IL1RAPL2: variants seen among roughly 807,000 people sequenced by gnomAD.
IL1RAPL2 encodes the protein interleukin 1 receptor accessory protein like 2.
A neutral mutation model predicts 44.1 loss-of-function variants in IL1RAPL2; 3 were observed. The ratio of observed to expected loss-of-function variants is 0.07; its 90% CI spans 0.03 to 0.18. The LOEUF (loss-of-function observed/expected upper bound fraction) is 0.18, where lower values mean the gene tolerates loss of function less well. Ranked by LOEUF, IL1RAPL2 falls within the 10% of genes least tolerant of loss-of-function variation. IL1RAPL2 has a pLI of 1.00. For synonymous variants in IL1RAPL2, 181 were observed against 178.8 expected (o/e 1.01, Z -0.10); for missense variants, 391 against 496.4 (o/e 0.79, Z 2.02).
chrX:104,996,055 T>C (rs956499309), intron 2 of IL1RAPL2, among the ~76,000 whole-genome samples: 1 of 111,427 alleles, frequency 9.0e-6, no homozygotes, highest in Non-Finnish European at 1.9e-5. Context: ...CAATACATAG[T>C]GTTATGCTTT....
At chrX:105,308,558 C>T (rs897813791) in intron 5 of IL1RAPL2, among the ~76,000 whole-genome samples, 2 of 111,826 alleles carry the variant, frequency 1.8e-5, no homozygotes, top group Admixed American at 9.5e-5. Flanking sequence ...TTTTTCCCCA[C>T]GGATTGTTTT....
chrX:105,207,738 C>T (rs1556153787), intron 3 of IL1RAPL2, among the ~76,000 whole-genome samples: 1 of 111,710 alleles, frequency 9.0e-6, no homozygotes. Flanking sequence ...CTATTCTGCA[C>T]AATAAAATCT....
intron 2 of IL1RAPL2, among the ~76,000 whole-genome samples, chrX:104,746,507 A>T (rs921422431): frequency 9.0e-6 from 1 of 111,434 alleles, no homozygotes; most frequent in Non-Finnish European, 1.9e-5. Flanking sequence ...AATAATATTA[A>T]TTTTTTCTCA....
At chrX:105,067,799 G>A (rs184451639) in intron 2 of IL1RAPL2, among the ~76,000 whole-genome samples, 12 of 109,165 alleles carry the variant, frequency 1.1e-4, no homozygotes, top group African/African-American at 1.4e-4. Flanking sequence ...ACACACGCGC[G>A]CATGCATGCA....
At chrX:105,306,653 T>C (rs936123897) in intron 5 of IL1RAPL2, among the ~76,000 whole-genome samples, 6 of 111,592 alleles carry the variant, frequency 5.4e-5, no homozygotes, top group African/African-American at 2.0e-4. Flanking sequence ...CATACATCTT[T>C]GAGAGTAACA....
At chrX:104,982,383 C>T (rs1396318561) in intron 2 of IL1RAPL2, among the ~76,000 whole-genome samples, 1 of 111,172 alleles carries the variant, frequency 9.0e-6, no homozygotes, top group East Asian at 2.8e-4. Flanking sequence ...GGCACCCATA[C>T]CCTGTGCTAC....
intron 3 of IL1RAPL2, among the ~76,000 whole-genome samples, chrX:105,227,216 TATA>T (rs1315329141): frequency 9.0e-6 from 1 of 110,986 alleles, no homozygotes; most frequent in East Asian, 2.8e-4. Flanking sequence ...AAACTTAAAG[TATA>T]ATAATAATAA....
chrX:104,849,276 C>T (rs1216346204), intron 2 of IL1RAPL2, among the ~76,000 whole-genome samples: 2 of 101,445 alleles, frequency 2.0e-5, no homozygotes, highest in East Asian at 6.3e-4. Context: ...TCTCAAACTC[C>T]CAGGCTCAAG....
At chrX:105,144,099 GT>G (rs2033155991) in intron 2 of IL1RAPL2, among the ~76,000 whole-genome samples, 3 of 75,881 alleles carry the variant, frequency 4.0e-5, no homozygotes, top group Non-Finnish European at 2.2e-5. Context: ...AGATGGGTGT[GT>G]GTGTGTGTGT....
chrX:104,711,998 C>T (rs1397959291), intron 2 of IL1RAPL2, among the ~76,000 whole-genome samples: 1 of 110,656 alleles, frequency 9.0e-6, no homozygotes, highest in Non-Finnish European at 1.9e-5. Context: ...TACAGTATAC[C>T]CCTGCTTGGT....
intron 5 of IL1RAPL2, among the ~76,000 whole-genome samples, chrX:105,435,692 C>G: frequency 8.9e-6 from 1 of 111,861 alleles, no homozygotes; most frequent in Non-Finnish European, 1.9e-5. Flanking sequence ...TACATATACA[C>G]CAGGGAATAC....
In IL1RAPL2 at chrX:105,131,771, A is replaced by G. The variant is rs186110782; in HGVS notation, c.83-63704A>G. ...ATTTTGTTTACTGGAAAAATGTAAC[A>G]GTCAGAAAGAGATACACATTAGCTT... On this transcript the variant is annotated intron_variant, in intron 2 of 10. Coordinates refer to ENST00000372582, the MANE Select transcript of IL1RAPL2 (RefSeq NM_017416.2). Among the ~76,000 whole-genome samples, 4 of 111,824 alleles carry G rather than the reference A, an allele frequency of 3.6e-5. No individual in the cohort carries two copies. The Admixed American group carries it at 3.8e-4, about 11-fold the overall frequency.
chrX:105,257,693 T>C (rs983294164), intron 4 of IL1RAPL2, among the ~76,000 whole-genome samples: 1 of 112,247 alleles, frequency 8.9e-6, no homozygotes, highest in Non-Finnish European at 1.9e-5. Flanking sequence ...TAATACCCTT[T>C]TCTATATTTT....
intron 5 of IL1RAPL2, among the ~76,000 whole-genome samples, chrX:105,413,397 A>G (rs2035711068): frequency 1.8e-5 from 2 of 111,463 alleles, no homozygotes; most frequent in African/African-American, 6.5e-5. Context: ...AAAGGTCCTT[A>G]TAAGAAGAAG....
chrX:104,972,181 T>C (rs2030250051), intron 2 of IL1RAPL2, among the ~76,000 whole-genome samples: 1 of 111,890 alleles, frequency 8.9e-6, no homozygotes, highest in Non-Finnish European at 1.9e-5. Flanking sequence ...TTCCCTTGCA[T>C]GTTCTGATCC....
At chrX:105,059,355 C>G (rs2032041580) in intron 2 of IL1RAPL2, among the ~76,000 whole-genome samples, 1 of 111,779 alleles carries the variant, frequency 8.9e-6, no homozygotes, top group Non-Finnish European at 1.9e-5. Flanking sequence ...TTAGCTCTGA[C>G]AGATGAGTGA....
At position 104,736,300 on chromosome X, in the gene IL1RAPL2, C is replaced by T. The variant is rs752887578; in HGVS notation, c.82+77305C>T. Among the ~76,000 whole-genome samples the T allele has an allele frequency of 5.4e-5, 6 of 112,144 alleles. No individual in the cohort carries two copies. The East Asian group carries it at 1.7e-3, about 32-fold the overall frequency. ...TCTCTTCCTCAGAAGATTATATAGG[C>T]TATTGGCAAGGCAGTGCTCATATCT... On this transcript the variant is annotated intron_variant, in intron 2 of 10. Coordinates refer to ENST00000372582, the MANE Select transcript of IL1RAPL2 (RefSeq NM_017416.2).
At chrX:105,369,213 T>G (rs1347565358) in intron 5 of IL1RAPL2, among the ~76,000 whole-genome samples, 4 of 110,362 alleles carry the variant, frequency 3.6e-5, no homozygotes, top group Non-Finnish European at 7.6e-5. Context: ...ATCTCTCTAT[T>G]TCTTCATTTT....
At chrX:104,669,852 C>T (rs756485390) in intron 2 of IL1RAPL2, among the ~76,000 whole-genome samples, 131 of 111,557 alleles carry the variant, frequency 1.2e-3, no homozygotes, top group Non-Finnish European at 1.4e-3. Context: ...TATTTAAATT[C>T]CACCCTTCTT....
Sources: allele counts gnomAD v4.1 joint callset (sites outside exome capture counted in the v4.1 genomes callset), GRCh38; gene constraint gnomAD v4.1.1; transcripts MANE v1.5; gene names NCBI Gene and HGNC (gene_info 2026-07-23, HGNC 2026-07-21).